CNKSR2: variants seen among roughly 807,000 people sequenced by gnomAD.
CNKSR2 encodes connector enhancer of kinase suppressor of Ras 2, also known as CNK homolog protein 2.
CNKSR2 carries 14 observed loss-of-function variants against 84.4 expected under a neutral mutation model. The observed-to-expected ratio is 0.17, with a 90% CI of 0.11 to 0.26. The LOEUF (loss-of-function observed/expected upper bound fraction) is 0.26. Ranked by LOEUF, CNKSR2 falls within the 10% of genes least tolerant of loss-of-function variation. The pLI is 1.00. For synonymous variants in CNKSR2, 275 were observed against 277.9 expected, an observed-to-expected ratio of 0.99 and a Z score of 0.10; for missense variants, 485 against 771.2, an observed-to-expected ratio of 0.63 and a Z score of 4.40.
chrX:21,564,791 A>G (rs1274010092), intron 13 of CNKSR2, among the ~76,000 whole-genome samples: 1 of 109,982 alleles, frequency 9.1e-6, no homozygotes, highest in Non-Finnish European at 1.9e-5. Context: ...TAGCACTCCT[A>G]GGTGCCTCAT....
intron 18 of CNKSR2, among the ~76,000 whole-genome samples, chrX:21,602,229 C>T (rs144269984): frequency 0.034 from 3,746 of 111,210 alleles, 63 homozygotes; most frequent in Non-Finnish European, 0.054. Context: ...ACTGCAGCCT[C>T]GACCTCCCAG....
chrX:21,598,008 C>CATAT lies in CNKSR2; in HGVS notation c.1976+2629_1976+2632dup, dbSNP rs201782311. Among the ~76,000 whole-genome samples, 677 of 102,205 alleles carry CATAT rather than the reference C, an allele frequency of 6.6e-3. 6 individuals carry two copies. The highest frequency in any genetic ancestry group is 0.022 in the African/African-American group (631 of 28,189). 88.8% of individuals were successfully genotyped at this position (102,205 alleles called of 115,157 possible). A position where few individuals can be genotyped will look rare whatever the true frequency, so the allele number is the denominator to read the frequency against. On this transcript the variant is annotated intron_variant, in intron 17 of 21. Coordinates refer to ENST00000379510, the MANE Select transcript of CNKSR2 (RefSeq NM_014927.5). ...TAATTTTCTTCTGTAAAATCATACA[C>CATAT]ATATATATATATATATATACACACA...
At chrX:21,504,176 T>C (rs2091588475) in intron 8 of CNKSR2, 1 of 111,082 alleles carries the variant, frequency 9.0e-6, no homozygotes, top group Non-Finnish European at 1.9e-5. Flanking sequence ...GCATTTAATC[T>C]CTTATTAGAT....
At chrX:21,552,116 A>G (rs1243175290) in intron 11 of CNKSR2, among the ~76,000 whole-genome samples, 5 of 110,381 alleles carry the variant, frequency 4.5e-5, no homozygotes, top group Non-Finnish European at 9.5e-5. Context: ...AAAAAAAACT[A>G]TAATAAATGG....
At chrX:21,393,202 C>G (rs1418828482) in intron 1 of CNKSR2, among the ~76,000 whole-genome samples, 1 of 112,233 alleles carries the variant, frequency 8.9e-6, no homozygotes, top group East Asian at 2.8e-4. Flanking sequence ...GATTTGCTGC[C>G]AAATGTCTTT....
rs1007951206 is a variant in CNKSR2 at position 21,531,904 on chromosome X, G to A, written c.1140G>A (p.Val380=). 38 of 1,204,954 alleles carry A rather than the reference G, an allele frequency of 3.2e-5. No homozygotes were observed. Among genetic ancestry groups the A allele is most frequent in the Non-Finnish European group, 3.7e-5 (33 of 891,679 alleles). The part of the protein sequence containing the change: ...LPCEDLRGHM[V]GKPVHKGSES... The stretch of plus-strand genomic sequence containing the variant: ...GTGAAGACCTCAGAGGACATATGGT[G>A]GGCAAGCCAGTGCATAAGGGATCTG... The change falls in exon 11 of 22, where the codon GTG becomes GTA. Residue 380 remains valine (V), a synonymous_variant. Transcript: ENST00000379510.
intron 20 of CNKSR2, among the ~76,000 whole-genome samples, chrX:21,612,696 T>C (rs1461866837): frequency 8.9e-6 from 1 of 112,132 alleles, no homozygotes; most frequent in Non-Finnish European, 1.9e-5. Context: ...CAATATATGT[T>C]ATATAGTGCT....
chrX:21,632,726 T>C (rs1569285205), intron 20 of CNKSR2, among the ~76,000 whole-genome samples: 2 of 111,708 alleles, frequency 1.8e-5, no homozygotes. Flanking sequence ...AAATCCAATA[T>C]TAGTATCTTT....
chrX:21,497,841 G>GA lies in CNKSR2; in HGVS notation c.740dup (p.Asn247LysfsTer15). On this transcript the variant is annotated frameshift_variant, in exon 7 of 22. Coordinates refer to ENST00000379510, the MANE Select transcript of CNKSR2 (RefSeq NM_014927.5). LOFTEE classifies it high-confidence loss of function. ...CCTCCATGTAATTACTGGAACCACA[G>GA]AAAATGTAAGTATTCTAACCTTTCA... is the stretch of plus-strand genomic sequence containing the variant. 1.1e-6 allele frequency: 1 copy of GA among 874,375 alleles called. No homozygotes were observed. The highest frequency in any genetic ancestry group is 1.7e-6 in the Non-Finnish European group (1 of 588,919). The allele number at this position is 874,375 out of a possible 1,213,427, so 72.1% of individuals were successfully genotyped here. A position where few individuals can be genotyped will look rare whatever the true frequency, so the allele number is the denominator to read the frequency against.
intron 4 of CNKSR2, among the ~76,000 whole-genome samples, chrX:21,448,303 T>C (rs2090881364): frequency 9.0e-6 from 1 of 111,498 alleles, no homozygotes. Flanking sequence ...TAAATACATA[T>C]CCAAAAGGAT....
At chrX:21,505,886 A>G (rs539889681) in intron 8 of CNKSR2, 2 of 111,160 alleles carry the variant, frequency 1.8e-5, no homozygotes, top group African/African-American at 6.5e-5. Context: ...GATTTGCTAA[A>G]TTGTTGTCTT....
rs772738879 is a variant in CNKSR2, at chrX:21,490,561, A to G, written c.664A>G (p.Lys222Glu). Residue 222 changes from lysine to glutamate, a missense_variant, in exon 6 of 22, where the codon AAA becomes GAA. Around this residue, in one of 5 missense-constraint regions of CNKSR2, gnomAD observed 109 missense variants for 197.5 expected, o/e 0.55. Transcript: ENST00000379510. ...HLEVIQLANI[K>E]PSEGLGMYIK... ...GGAAGTGATTCAACTGGCAAACATT[A>G]AACCAAGCGAAGGGCTGGTAAGAGA... 2.5e-6 allele frequency: 3 copies of G among 1,208,334 alleles called. No homozygotes were observed. The highest frequency in any genetic ancestry group is 3.4e-6 in the Non-Finnish European group (3 of 893,468).
At position 21,569,125 on chromosome X, in the gene CNKSR2, T is replaced by C. The variant is rs1755748282; in HGVS notation, c.1608+5673T>C. ...ATACTGTAGTCTGCTAAGTGCACAA[T>C]AGCATTATGTCTAAAAAACAATGTA... On this transcript the variant is annotated intron_variant, in intron 13 of 21. Coordinates refer to ENST00000379510, the MANE Select transcript of CNKSR2 (RefSeq NM_014927.5). 3.6e-5 allele frequency among the ~76,000 whole-genome samples: 4 copies of C among 111,890 alleles called. No individual in the cohort carries two copies. In the South Asian group the frequency reaches 1.5e-3, roughly 42 times the overall value.
intron 11 of CNKSR2, among the ~76,000 whole-genome samples, 167 bp from the exon 12 acceptor site, chrX:21,561,304 A>G (rs920017391): frequency 1.8e-5 from 2 of 111,328 alleles, no homozygotes; most frequent in African/African-American, 6.5e-5. Context: ...CCAATAGGCA[A>G]TTTCACCTTC....
At chrX:21,446,316 G>A (rs765359494) in intron 4 of CNKSR2, among the ~76,000 whole-genome samples, 16 of 110,981 alleles carry the variant, frequency 1.4e-4, no homozygotes, top group Non-Finnish European at 2.8e-4. Flanking sequence ...AAAACTGAAG[G>A]AATGTTATAT....
At chrX:21,629,346 C>A (rs2092637702) in intron 20 of CNKSR2, among the ~76,000 whole-genome samples, 1 of 112,401 alleles carries the variant, frequency 8.9e-6, no homozygotes, top group African/African-American at 3.2e-5. Flanking sequence ...AAGTCACTTA[C>A]ACATTTTCAG....
At chrX:21,459,007 T>G (rs1480459280) in intron 4 of CNKSR2, among the ~76,000 whole-genome samples, 1 of 107,765 alleles carries the variant, frequency 9.3e-6, no homozygotes, top group Non-Finnish European at 1.9e-5. Flanking sequence ...CTCCTGACAA[T>G]ATTCTTCATC....
chrX:21,400,804 A>G (rs887864573), intron 1 of CNKSR2, among the ~76,000 whole-genome samples: 3 of 111,670 alleles, frequency 2.7e-5, no homozygotes, highest in African/African-American at 9.7e-5. Flanking sequence ...ATCAAAATAT[A>G]TAGAGAAAAT....
chrX:21,462,248 C>T (rs1202718926), intron 4 of CNKSR2, among the ~76,000 whole-genome samples: 1 of 111,598 alleles, frequency 9.0e-6, no homozygotes, highest in Non-Finnish European at 1.9e-5. Context: ...AGATCTTTCA[C>T]TTCTTTGATT....
Sources: allele counts gnomAD v4.1 joint callset (sites outside exome capture counted in the v4.1 genomes callset), GRCh38; gene constraint gnomAD v4.1.1; regional missense constraint gnomAD v4.1.1; transcripts MANE v1.5; gene names NCBI Gene and HGNC (gene_info 2026-07-23, HGNC 2026-07-21).